The following RBM28 variants were observed in gnomAD, a reference collection of about 807,000 sequenced individuals.
RBM28 encodes RNA-binding protein 28.
A neutral mutation model predicts 98.3 loss-of-function variants in RBM28; 78 were observed. The ratio of observed to expected loss-of-function variants is 0.79; its 90% CI spans 0.66 to 0.96. RBM28 has a LOEUF of 0.96. RBM28 is among the 40% of genes least tolerant of loss of function. RBM28 has a pLI of 0.00. For missense variants in RBM28, 838 were observed against 913.0 expected (o/e 0.92, Z 1.06); for synonymous variants, 306 against 330.9 (o/e 0.92, Z 0.82).
intron 1 of RBM28, among the ~76,000 whole-genome samples, chr7:128,342,791 A>G (rs1032407153): frequency 1.3e-5 from 2 of 152,024 alleles, no homozygotes; most frequent in Non-Finnish European, 2.9e-5. Context: ...TACTCCTCCA[A>G]TATACCAAAA....
At chr7:128,323,413 G>A in intron 13 of RBM28, 114 bp downstream of exon 13, 4 of 1,224,430 alleles carry the variant, frequency 3.3e-6, no homozygotes, top group South Asian at 1.2e-5. Flanking sequence ...AGGGCAATAA[G>A]TATGGTCTGT....
chr7:128,322,819 T>C (rs775043494), intron 13 of RBM28, among the ~76,000 whole-genome samples: 4 of 152,120 alleles, frequency 2.6e-5, no homozygotes, highest in Admixed American at 6.5e-5. Flanking sequence ...GCAGAATCTG[T>C]GCCCACTGAA....
rs533469899 is a variant in RBM28 at position 128,313,918 on chromosome 7, C to G, written c.2046-644G>C. ...TAGAAGATGAGCAGCTGCTGTCATG[C>G]TTCCTGTACAGCCTGTGGAACCATG... On this transcript the variant is annotated intron_variant, in intron 17 of 18. Transcript: ENST00000223073. Among the ~76,000 whole-genome samples, 207 of 152,268 alleles carry G rather than the reference C, an allele frequency of 1.4e-3. 1 individual carries two copies. The highest frequency in any genetic ancestry group is 4.9e-3 in the African/African-American group (202 of 41,566).
In RBM28 at chr7:128,338,391, C is replaced by T. The variant is rs41281731; in HGVS notation, c.449-49G>A. 0.068 allele frequency: 100,380 copies of T among 1,467,108 alleles called. 4,095 individuals are homozygous for T. Among genetic ancestry groups the T allele is most frequent in the African/African-American group, 0.15 (10,681 of 72,026 alleles). The allele number at this position is 1,467,108 out of a possible 1,614,324, so 90.9% of individuals were successfully genotyped here. ...GAAGTGAGAGGCAGCAGGAGGTAGCCAGAATACTAAGAAGTAAATTACTGC... is the reference window on the plus strand; with the variant it reads ...GAAGTGAGAGGCAGCAGGAGGTAGCTAGAATACTAAGAAGTAAATTACTGC... On this transcript the variant is annotated intron_variant, in intron 4 of 18. Coordinates refer to ENST00000223073, the MANE Select transcript of RBM28 (RefSeq NM_018077.3).
At chr7:128,313,629 A>C (rs964833769) in intron 17 of RBM28, among the ~76,000 whole-genome samples, 6 of 152,186 alleles carry the variant, frequency 3.9e-5, no homozygotes, top group Admixed American at 3.9e-4. Context: ...ACCCTGTGAC[A>C]TGGTTTGGAT....
Position 128,335,915 on chromosome 7 carries a change from A to C in RBM28, c.741T>G (p.Phe247Leu). The stretch of plus-strand genomic sequence containing the variant: ...TCTCTTCCTCTTCATCTTCATCATC[A>C]AAAACCCCATCTTCTTCATCATCAT... ...DDDDDEEDGV[F>L]DDEDEEEENI... Residue 247 changes from phenylalanine (F) to leucine (L), a missense_variant, in exon 7 of 19, where the codon TTT becomes TTG. By Grantham distance (22) the Phe-to-Leu change is conservative. Transcript: ENST00000223073. The C allele has an allele frequency of 6.2e-7, 1 of 1,610,778 alleles. No homozygotes were observed. The highest frequency in any genetic ancestry group is 1.1e-5 in the South Asian group (1 of 91,016).
chr7:128,324,783 G>T, intron 11 of RBM28, 89 bp from the exon 12 acceptor site: 1 of 1,570,788 alleles, frequency 6.4e-7, no homozygotes. Context: ...GGAGGCTGAG[G>T]CAGGTGGATC....
intron 17 of RBM28, 61 bp downstream of exon 17, chr7:128,314,703 C>G: frequency 6.2e-7 from 1 of 1,612,152 alleles, no homozygotes; most frequent in Non-Finnish European, 8.5e-7. Flanking sequence ...AATAACTCAG[C>G]AAAAACAAAC....
intron 5 of RBM28, among the ~76,000 whole-genome samples, chr7:128,337,660 C>A (rs1235037190): frequency 6.6e-6 from 1 of 150,924 alleles, no homozygotes; most frequent in Admixed American, 6.6e-5. Flanking sequence ...CAGGTTCAAG[C>A]GATTCTCCTG....
chr7:128,299,046 T>C lies in RBM28; in HGVS notation c.*11751A>G, dbSNP rs1435659878. 1 of 151,618 alleles carries C rather than the reference T, an allele frequency of 6.6e-6. No individual in the cohort carries two copies. Among genetic ancestry groups the C allele is most frequent in the East Asian group, 1.9e-4 (1 of 5,180 alleles). 9.4% of individuals were successfully genotyped at this position (151,618 alleles called of 1,614,324 possible). A position where few individuals can be genotyped will look rare whatever the true frequency, so the allele number is the denominator to read the frequency against. ...AAAAAAAAATGTACCCATATTTGTT[T>C]TCATCAGGTATGGTAAGATGACAGA... On this transcript the variant is annotated 3_prime_UTR_variant, in exon 19 of 19. Coordinates refer to ENST00000223073, the MANE Select transcript of RBM28 (RefSeq NM_018077.3).
Position 128,305,746 on chromosome 7 carries a change from G to C in RBM28, c.*5051C>G, listed in dbSNP as rs368012614. 6.6e-6 allele frequency: 1 copy of C among 152,262 alleles called. No individual in the cohort carries two copies. Among genetic ancestry groups the C allele is most frequent in the Non-Finnish European group, 1.5e-5 (1 of 68,084 alleles). The allele number at this position is 152,262 out of a possible 1,614,324, so 9.4% of individuals were successfully genotyped here. A position where few individuals can be genotyped will look rare whatever the true frequency, so the allele number is the denominator to read the frequency against. On this transcript the variant is annotated 3_prime_UTR_variant, in exon 19 of 19. Transcript: ENST00000223073. The stretch of plus-strand genomic sequence containing the variant: ...GGAATGGGATTGGCTTTGGCCATGA[G>C]GCAGATTAAGCAACACCTAAGGGGA...
At chr7:128,337,919 TAATA>T (rs1316024162) in intron 5 of RBM28, among the ~76,000 whole-genome samples, 3 of 152,142 alleles carry the variant, frequency 2.0e-5, no homozygotes, top group Non-Finnish European at 4.4e-5. Flanking sequence ...ACAGTCAGTT[TAATA>T]AATAGCCCAC....
At chr7:128,333,916 A>G (rs1313604081) in intron 8 of RBM28, among the ~76,000 whole-genome samples, 3 of 152,238 alleles carry the variant, frequency 2.0e-5, no homozygotes, top group Non-Finnish European at 4.4e-5. Flanking sequence ...TCCATATACT[A>G]CTATGACAGT....
intron 2 of RBM28, 151 bp downstream of exon 2, chr7:128,339,482 A>G (rs1796675425): frequency 8.6e-7 from 1 of 1,162,818 alleles, no homozygotes; most frequent in Non-Finnish European, 1.2e-6. Context: ...AACTAAAATG[A>G]GTATCACAAT....
chr7:128,330,469 C>T lies in RBM28; in HGVS notation c.1129+350G>A, dbSNP rs534796247. Among the ~76,000 whole-genome samples, 4 of 150,688 alleles carry T rather than the reference C, an allele frequency of 2.7e-5. No homozygotes were observed. In the East Asian group the frequency reaches 5.9e-4, roughly 22 times the overall value. ...TGATCTCGGCTCATTGCAACCTCCACCTCCCGGGTTCAAGCAATTTTCCTG... is the reference window on the plus strand; with the variant it reads ...TGATCTCGGCTCATTGCAACCTCCATCTCCCGGGTTCAAGCAATTTTCCTG... On this transcript the variant is annotated intron_variant, in intron 10 of 18. Coordinates refer to ENST00000223073, the MANE Select transcript of RBM28 (RefSeq NM_018077.3).
chr7:128,336,738 C>T (rs1392337592), intron 6 of RBM28, among the ~76,000 whole-genome samples: 1 of 152,204 alleles, frequency 6.6e-6, no homozygotes, highest in Non-Finnish European at 1.5e-5. Flanking sequence ...AATAGTCTTA[C>T]TCTGATAAGC....
chr7:128,325,537 G>C (rs1472679301), intron 11 of RBM28, among the ~76,000 whole-genome samples: 1 of 152,158 alleles, frequency 6.6e-6, no homozygotes, highest in Admixed American at 6.5e-5. Flanking sequence ...GTCTAGGATA[G>C]AGGCTGACAC....
chr7:128,342,721 T>C (rs1268031008), intron 1 of RBM28, among the ~76,000 whole-genome samples: 1 of 151,974 alleles, frequency 6.6e-6, no homozygotes, highest in Non-Finnish European at 1.5e-5. Flanking sequence ...CTACTCTAGA[T>C]CTCATCTCCT....
chr7:128,322,110 A>G (rs1796249504), intron 13 of RBM28, among the ~76,000 whole-genome samples: 2 of 152,024 alleles, frequency 1.3e-5, no homozygotes, highest in African/African-American at 4.8e-5. Flanking sequence ...TAATACTGTG[A>G]TTAATATCTA....
Sources: allele counts gnomAD v4.1 joint callset (sites outside exome capture counted in the v4.1 genomes callset), GRCh38; gene constraint gnomAD v4.1.1; transcripts MANE v1.5; gene names NCBI Gene and HGNC (gene_info 2026-07-23, HGNC 2026-07-21).